Variants in HMCN1 observed in about 807,000 individuals in gnomAD.
HMCN1 encodes hemicentin 1.
A neutral mutation model predicts 625.9 loss-of-function variants in HMCN1; 321 were observed. The ratio of observed to expected loss-of-function variants is 0.51; its 90% CI spans 0.47 to 0.56. The LOEUF (loss-of-function observed/expected upper bound fraction) is 0.56. Among genes scored for constraint, HMCN1 ranks in the 20% least tolerant of loss-of-function variants. The pLI is 0.00. For synonymous variants in HMCN1, 2,425 were observed against 2,417.6 expected (o/e 1.00, Z -0.09); for missense variants, 6,588 against 6,887.3 (o/e 0.96, Z 1.54).
intron 80 of HMCN1, 106 bp from the exon 81 acceptor site, chr1:186,122,845 G>A: frequency 8.3e-7 from 1 of 1,201,758 alleles, no homozygotes; most frequent in Non-Finnish European, 1.2e-6. Context: ...GTGAAGTCAG[G>A]ATTTTGTTTC....
At chr1:185,804,765 T>A (rs1014196631) in intron 1 of HMCN1, among the ~76,000 whole-genome samples, 3 of 152,108 alleles carry the variant, frequency 2.0e-5, no homozygotes, top group African/African-American at 7.2e-5. Context: ...CTTATTTATG[T>A]CTTAATTGTT....
intron 1 of HMCN1, among the ~76,000 whole-genome samples, chr1:185,841,300 A>G (rs1432625669): frequency 6.6e-6 from 1 of 152,236 alleles, no homozygotes; most frequent in Non-Finnish European, 1.5e-5. Flanking sequence ...TTATTTTTGT[A>G]TAATACATGT....
intron 100 of HMCN1, among the ~76,000 whole-genome samples, chr1:186,170,953 G>A (rs1652190002): frequency 6.6e-6 from 1 of 152,162 alleles, no homozygotes; most frequent in Admixed American, 6.5e-5. Flanking sequence ...GGGGAAGAAA[G>A]GACAATTGCA....
At chr1:185,986,093 T>G (rs568128212) in intron 19 of HMCN1, among the ~76,000 whole-genome samples, 107 of 152,306 alleles carry the variant, frequency 7.0e-4, no homozygotes, top group Non-Finnish European at 1.1e-3. Flanking sequence ...TATTCCATGA[T>G]GATTCTGAAA....
At chr1:185,779,772 A>G (rs928064859) in intron 1 of HMCN1, among the ~76,000 whole-genome samples, 1 of 152,194 alleles carries the variant, frequency 6.6e-6, no homozygotes, top group Non-Finnish European at 1.5e-5. Flanking sequence ...GTTTGAAGTC[A>G]GGTAGTGTGA....
At chr1:186,079,387 C>T (rs1558203587) in intron 55 of HMCN1, among the ~76,000 whole-genome samples, 1 of 152,178 alleles carries the variant, frequency 6.6e-6, no homozygotes, top group Non-Finnish European at 1.5e-5. Flanking sequence ...TCTCTCTGGG[C>T]ACACGCAAGC....
intron 4 of HMCN1, among the ~76,000 whole-genome samples, chr1:185,895,942 A>G (rs1051932369): frequency 6.8e-6 from 1 of 146,464 alleles, no homozygotes; most frequent in Non-Finnish European, 1.5e-5. Context: ...TCATTTAATA[A>G]TTTTTTTTTT....
Position 186,114,860 on chromosome 1 carries a change from C to T in HMCN1, c.11318C>T (p.Ala3773Val). Residue 3773 changes from alanine (A) to valine (V), a missense_variant, in exon 74 of 107, where the codon GCA becomes GTA. Physicochemically the swap from Ala to Val is moderately conservative, Grantham distance 64 (BLOSUM62 0). Coordinates refer to ENST00000271588, the MANE Select transcript of HMCN1 (RefSeq NM_031935.3). ...LENGFLHIQS[A>V]HVTDTGRYLC... ...AATGGATTCCTTCATATTCAATCAG[C>T]ACATGTCACTGACACTGGACGGTAT... The T allele has an allele frequency of 1.9e-6, 3 of 1,614,006 alleles. No homozygotes were observed. Among genetic ancestry groups the T allele is most frequent in the Non-Finnish European group, 2.5e-6 (3 of 1,179,868 alleles).
chr1:186,001,675 A>G lies in HMCN1; in HGVS notation c.4282A>G (p.Arg1428Gly). ...CAGAGCCACTCCAGAGGATGCAGGA[A>G]GATATTCCTGCAAAGCAATTAATAT... ...LFRATPEDAG[R>G]YSCKAINIAG... is the part of the protein sequence containing the mutation. The change falls in exon 28 of 107, where the codon AGA becomes GGA. Residue 1428 changes from arginine (R) to glycine (G), a missense_variant. By Grantham distance (125) the Arg-to-Gly change is moderately radical (BLOSUM62 -2). This residue lies in a region of HMCN1 where 4,628 missense variants were observed against 4,853.1 expected (regional missense o/e 0.95). Coordinates refer to ENST00000271588, the MANE Select transcript of HMCN1 (RefSeq NM_031935.3). 1 of 1,612,788 alleles carries G rather than the reference A, an allele frequency of 6.2e-7. No homozygotes were observed.
At position 186,145,815 on chromosome 1, in the gene HMCN1, GAA is replaced by G. The variant is rs1195420420; in HGVS notation, c.14503_14504del (p.Lys4835AspfsTer13). 1 of 1,614,126 alleles carries G rather than the reference GAA, an allele frequency of 6.2e-7. No individual in the cohort carries two copies. The highest frequency in any genetic ancestry group is 1.7e-5 in the Admixed American group (1 of 60,018). Reference protein sequence around the residue: ...SQCSASCGGGEKTRKRLCDHP... With the variant: ...SQCSASCGGGXKTRKRLCDHP... ...GTGCTCTGCCTCCTGTGGAGGAGGT[GAA>G]AAGACTCGGAAGCGGCTGTGCGACC... On this transcript the variant is annotated frameshift_variant, in exon 93 of 107. Coordinates refer to ENST00000271588, the MANE Select transcript of HMCN1 (RefSeq NM_031935.3). LOFTEE classifies it high-confidence loss of function.
intron 1 of HMCN1, among the ~76,000 whole-genome samples, chr1:185,815,909 C>T (rs1659818640): frequency 6.7e-6 from 1 of 150,020 alleles, no homozygotes; most frequent in Non-Finnish European, 1.5e-5. Context: ...CTTGATAATG[C>T]TGTTTCTCTT....
In HMCN1 at chr1:186,070,598, T is replaced by A. The variant is rs1658418555; in HGVS notation, c.7994-14T>A. On this transcript the variant is annotated splice_polypyrimidine_tract_variant and intron_variant, in intron 51 of 106. Coordinates refer to ENST00000271588, the MANE Select transcript of HMCN1 (RefSeq NM_031935.3). The stretch of plus-strand genomic sequence containing the variant: ...ATAACCAATGTCTAACTCTTTAATA[T>A]TTATTTTATGCAGTTCCACCCATAA... 1 of 1,606,316 alleles carries A rather than the reference T, an allele frequency of 6.2e-7. No homozygotes were observed. The highest frequency in any genetic ancestry group is 8.5e-7 in the Non-Finnish European group (1 of 1,173,206).
At chr1:185,832,283 A>G (rs7520805) in intron 1 of HMCN1, among the ~76,000 whole-genome samples, 5,899 of 152,204 alleles carry the variant, frequency 0.039, 400 homozygotes, top group African/African-American at 0.13. Context: ...GAGACAGTGA[A>G]ACTCTCTCAA....
At chr1:186,181,382 A>T (rs1652920012) in intron 104 of HMCN1, among the ~76,000 whole-genome samples, 2 of 151,954 alleles carry the variant, frequency 1.3e-5, no homozygotes, top group African/African-American at 4.8e-5. Flanking sequence ...ATCTATTCTC[A>T]CCCTCCTTTT....
intron 2 of HMCN1, among the ~76,000 whole-genome samples, chr1:185,851,392 T>C (rs1436637346): frequency 1.3e-5 from 2 of 152,152 alleles, no homozygotes; most frequent in African/African-American, 4.8e-5. Context: ...ATTTTTCTTC[T>C]AGAGATATGG....
chr1:185,965,827 G>C lies in HMCN1; in HGVS notation c.2124G>C (p.Gln708His), dbSNP rs769461980. 6.2e-7 allele frequency: 1 copy of C among 1,611,394 alleles called. No individual in the cohort carries two copies. Among genetic ancestry groups the C allele is most frequent in the Non-Finnish European group, 8.5e-7 (1 of 1,177,852 alleles). The change falls in exon 14 of 107, where the codon CAG becomes CAC. Residue 708 changes from glutamine (Q) to histidine (H), a missense_variant. Gln to His is a conservative substitution (Grantham distance 24, BLOSUM62 0). Transcript: ENST00000271588. ...YIEAPKLMVV[Q>H]SELLVALGDI... The stretch of plus-strand genomic sequence containing the variant: ...AAGCCCCTAAGTTGATGGTAGTTCA[G>C]AGTGAGCTCTTGGTTGCCCTTGGGG...
At chr1:185,967,361 C>G (rs1472882895) in intron 14 of HMCN1, among the ~76,000 whole-genome samples, 1 of 152,048 alleles carries the variant, frequency 6.6e-6, no homozygotes, top group East Asian at 1.9e-4. Flanking sequence ...TAGGTACCCA[C>G]TACATGAGAG....
At position 186,094,301 on chromosome 1, in the gene HMCN1, G is replaced by A; in HGVS notation, c.10222G>A (p.Val3408Ile). The change falls in exon 67 of 107, where the codon GTC becomes ATC. Residue 3408 changes from valine to isoleucine, a missense_variant. Transcript: ENST00000271588. ...IRIVRAQVSD[V>I]AVYTCVASNR... ...GATTGTGAGAGCTCAGGTGTCTGAT[G>A]TCGCTGTGTATACTTGTGTGGCCTC... 1 of 1,613,304 alleles carries A rather than the reference G, an allele frequency of 6.2e-7. No homozygotes were observed. Among genetic ancestry groups the A allele is most frequent in the Non-Finnish European group, 8.5e-7 (1 of 1,179,500 alleles).
chr1:186,168,319 G>A (rs1652006550), intron 100 of HMCN1, among the ~76,000 whole-genome samples: 1 of 151,882 alleles, frequency 6.6e-6, no homozygotes, highest in African/African-American at 2.4e-5. Context: ...CAGGTGCAGT[G>A]GCTGACAAAT....
Sources: allele counts gnomAD v4.1 joint callset (sites outside exome capture counted in the v4.1 genomes callset), GRCh38; gene constraint gnomAD v4.1.1; regional missense constraint gnomAD v4.1.1; transcripts MANE v1.5; gene names NCBI Gene and HGNC (gene_info 2026-07-23, HGNC 2026-07-21).